The following NDST4 variants were observed in gnomAD, a reference collection of about 807,000 sequenced individuals.
NDST4 encodes N-heparan sulfate sulfotransferase 4.
In NDST4, 63 loss-of-function variants were observed where a neutral mutation model predicts 100.8. The observed-to-expected ratio is 0.62, with a 90% confidence interval of 0.51 to 0.77. The LOEUF is 0.77. Among genes scored for constraint, NDST4 ranks in the 30% least tolerant of loss-of-function variants. NDST4 has a pLI of 0.00. For missense variants in NDST4, 943 were observed against 1,018.4 expected, an observed-to-expected ratio of 0.93 and a Z score of 1.01; for synonymous variants, 377 against 361.8, an observed-to-expected ratio of 1.04 and a Z score of -0.48.
At chr4:114,912,438 T>G (rs1024731994) in intron 6 of NDST4, among the ~76,000 whole-genome samples, 1 of 152,084 alleles carries the variant, frequency 6.6e-6, no homozygotes, top group African/African-American at 2.4e-5. Context: ...ATTACACATA[T>G]TTGATAGACA....
intron 3 of NDST4, among the ~76,000 whole-genome samples, chr4:114,973,506 GA>G (rs1382512399): frequency 4.0e-5 from 6 of 151,446 alleles, no homozygotes; most frequent in African/African-American, 1.2e-4. Context: ...AATTATTAAT[GA>G]AAAAAATACA....
intron 2 of NDST4, among the ~76,000 whole-genome samples, chr4:115,015,491 A>G (rs893884921): frequency 5.9e-5 from 9 of 152,060 alleles, no homozygotes; most frequent in Admixed American, 2.0e-4. Flanking sequence ...TCTGTGGCCA[A>G]TGGTGTTTGT....
chr4:114,981,766 AGGCTAACCCTTTCCCTAAAT>A (rs1726779227), intron 2 of NDST4, among the ~76,000 whole-genome samples: 1 of 152,178 alleles, frequency 6.6e-6, no homozygotes, highest in Non-Finnish European at 1.5e-5. Context: ...TGTTACTCTC[AGGCTAACCCTTTCCCTAAAT>A]GTACCTAATA....
intron 7 of NDST4, among the ~76,000 whole-genome samples, chr4:114,856,050 T>A (rs1053648990): frequency 1.3e-5 from 2 of 151,878 alleles, no homozygotes; most frequent in Non-Finnish European, 2.9e-5. Context: ...GATAAGCCCC[T>A]TCCTTTCCTT....
intron 1 of NDST4, among the ~76,000 whole-genome samples, chr4:115,086,096 A>C (rs1281217909): frequency 1.3e-5 from 2 of 152,178 alleles, no homozygotes; most frequent in African/African-American, 2.4e-5. Flanking sequence ...AATTATAAAT[A>C]TCATAAAGGT....
intron 2 of NDST4, among the ~76,000 whole-genome samples, chr4:115,039,742 T>C (rs1032677032): frequency 6.6e-5 from 10 of 152,136 alleles, no homozygotes; most frequent in Non-Finnish European, 1.3e-4. Context: ...GTGTGTGGTA[T>C]ATAATAACAT....
chr4:115,052,521 A>C (rs573772), intron 2 of NDST4, among the ~76,000 whole-genome samples: 1 of 151,710 alleles, frequency 6.6e-6, no homozygotes, highest in African/African-American at 2.4e-5. Context: ...AGTCTTCCCC[A>C]TATTGTTCTC....
intron 6 of NDST4, among the ~76,000 whole-genome samples, chr4:114,906,902 A>G (rs2126212654): frequency 6.6e-6 from 1 of 152,124 alleles, no homozygotes; most frequent in South Asian, 2.1e-4. Flanking sequence ...GCACATTTTT[A>G]TAACATTTGG....
At chr4:114,867,572 G>A (rs7665509) in intron 7 of NDST4, among the ~76,000 whole-genome samples, 10,420 of 139,896 alleles carry the variant, frequency 0.074, 408 homozygotes, top group African/African-American at 0.11. Context: ...TAAAAGCATC[G>A]ATTAGCTCAT....
chr4:114,937,077 T>C (rs540765102), intron 5 of NDST4, among the ~76,000 whole-genome samples: 1 of 152,348 alleles, frequency 6.6e-6, no homozygotes, highest in East Asian at 1.9e-4. Context: ...AATCTATACA[T>C]AACTCATTCC....
chr4:114,911,355 A>T (rs1725057968), intron 6 of NDST4, among the ~76,000 whole-genome samples: 1 of 152,186 alleles, frequency 6.6e-6, no homozygotes, highest in African/African-American at 2.4e-5. Flanking sequence ...CTCTTCTTTT[A>T]TATGGCCACA....
chr4:115,040,837 T>C (rs367782263), intron 2 of NDST4, among the ~76,000 whole-genome samples: 112 of 152,100 alleles, frequency 7.4e-4, no homozygotes, highest in Non-Finnish European at 1.0e-3. Context: ...CTGCAATAGG[T>C]TTATCTATAT....
intron 10 of NDST4, among the ~76,000 whole-genome samples, chr4:114,844,046 T>C (rs1365277678): frequency 7.1e-6 from 1 of 141,586 alleles, no homozygotes; most frequent in African/African-American, 2.6e-5. Context: ...GGCCATCATC[T>C]AGGGCCCACA....
chr4:114,900,546 T>C (rs1724814575), intron 6 of NDST4, among the ~76,000 whole-genome samples: 1 of 152,158 alleles, frequency 6.6e-6, no homozygotes. Flanking sequence ...TATGCTTAGA[T>C]ACACAAATAC....
chr4:115,078,180 G>A (rs1336092366), intron 1 of NDST4, among the ~76,000 whole-genome samples: 1 of 152,126 alleles, frequency 6.6e-6, no homozygotes, highest in Non-Finnish European at 1.5e-5. Flanking sequence ...ATTGGCTCAC[G>A]GTTCTGCAGG....
chr4:114,998,684 G>A (rs187727051), intron 2 of NDST4, among the ~76,000 whole-genome samples: 8 of 152,148 alleles, frequency 5.3e-5, no homozygotes, highest in Non-Finnish European at 1.5e-5. Context: ...TTTGCAATTA[G>A]AGAGTTTCCT....
At chr4:114,852,935 T>C (rs1723709468) in intron 7 of NDST4, 114 bp from the exon 8 acceptor site, 8 of 612,806 alleles carry the variant, frequency 1.3e-5, no homozygotes, top group Non-Finnish European at 2.2e-5. Context: ...GAACTTGGAG[T>C]TAGACCTCAC....
At chr4:114,907,233 A>AT (rs140813350) in intron 6 of NDST4, among the ~76,000 whole-genome samples, 4,348 of 152,160 alleles carry the variant, frequency 0.029, 196 homozygotes, top group African/African-American at 0.099. Context: ...CCTTGGATTC[A>AT]CTGTAGATGG....
intron 2 of NDST4, among the ~76,000 whole-genome samples, chr4:115,009,382 A>G (rs1578449768): frequency 7.8e-6 from 1 of 128,064 alleles, no homozygotes; most frequent in South Asian, 3.0e-4. Context: ...ATAATGCTGC[A>G]TATCTACAAC....
Sources: gnomAD v4.1 joint callset for allele counts (sites outside exome capture counted in the v4.1 genomes callset) on GRCh38, gnomAD v4.1.1 for gene constraint, MANE v1.5 for transcripts, NCBI Gene and HGNC (gene_info 2026-07-23, HGNC 2026-07-21) for gene names.